FABP6: variants seen among roughly 807,000 people sequenced by gnomAD.
FABP6 encodes gastrotropin.
FABP6 carries 13 observed loss-of-function variants against 14.9 expected under a neutral mutation model. That is an observed-to-expected ratio of 0.87 (90% CI 0.57 to 1.39). The LOEUF (loss-of-function observed/expected upper bound fraction) is 1.39. Ranked by LOEUF, FABP6 falls within the 40% of genes most tolerant of loss-of-function variation. The pLI is 0.00. For synonymous variants in FABP6, 75 were observed against 63.6 expected, an observed-to-expected ratio of 1.18 and a Z score of -0.85; for missense variants, 161 against 167.2, an observed-to-expected ratio of 0.96 and a Z score of 0.20.
intron 2 of FABP6, among the ~76,000 whole-genome samples, chr5:160,203,433 G>A (rs1759689305): frequency 1.3e-5 from 2 of 152,212 alleles, no homozygotes; most frequent in African/African-American, 2.4e-5. Flanking sequence ...CTCAGAATGA[G>A]TGACTCCAGT....
At chr5:160,212,701 C>A (rs112853069) in intron 2 of FABP6, among the ~76,000 whole-genome samples, 10,728 of 152,148 alleles carry the variant, frequency 0.071, 621 homozygotes, top group East Asian at 0.36. Flanking sequence ...GATCTCCTGA[C>A]CTTGTGAGCC....
At chr5:160,213,846 G>C (rs370270770) in intron 3 of FABP6, 12 of 1,556,594 alleles carry the variant, frequency 7.7e-6, no homozygotes, top group East Asian at 4.5e-5. Context: ...GGGAGGGAAG[G>C]GTTCCTGACG....
chr5:160,228,925 C>A (rs1440641084), upstream of FABP6, among the ~76,000 whole-genome samples: 1 of 152,122 alleles, frequency 6.6e-6, no homozygotes, highest in South Asian at 2.1e-4. Flanking sequence ...CCTATTGGTC[C>A]TCCAAGACGG....
At chr5:160,228,691 A>G, upstream of FABP6, 1 of 376,298 alleles carries the variant, frequency 2.7e-6, no homozygotes, top group South Asian at 2.0e-5. Context: ...CTTCTCCTCC[A>G]GGTGCGCTGC....
chr5:160,208,887 C>A (rs1010488642), intron 2 of FABP6, among the ~76,000 whole-genome samples: 15 of 151,688 alleles, frequency 9.9e-5, no homozygotes, highest in Admixed American at 4.6e-4. Flanking sequence ...AGCAATTCTC[C>A]TGCCTCAGCC....
chr5:160,234,433 T>G (rs1368300227), intron 2 of FABP6, among the ~76,000 whole-genome samples: 3 of 149,322 alleles, frequency 2.0e-5, no homozygotes, highest in African/African-American at 7.4e-5. Context: ...ATTCATTTTT[T>G]TTTTTTTTTT....
At chr5:160,221,106 A>G (rs1229477634) in intron 3 of FABP6, among the ~76,000 whole-genome samples, 1 of 151,542 alleles carries the variant, frequency 6.6e-6, no homozygotes, top group East Asian at 1.9e-4. Context: ...AAAAAAAAAA[A>G]AAGACTTGAG....
At position 160,204,344 on chromosome 5, in the gene FABP6, A is replaced by G. The variant is rs561056014; in HGVS notation, c.51+5187A>G. On this transcript the variant is annotated intron_variant, in intron 2 of 6. Coordinates refer to the FABP6 transcript ENST00000393980. ...TAATAAAATAAAGATAAAAATAAAA[A>G]TAAATAATACGTTTTTTTAAAAAAG... is the stretch of plus-strand genomic sequence containing the variant. Among the ~76,000 whole-genome samples the G allele has an allele frequency of 3.5e-4, 52 of 147,990 alleles. 1 individual carries two copies. The highest frequency in any genetic ancestry group is 3.4e-3 in the Admixed American group (50 of 14,886).
chr5:160,218,760 CTTT>C (rs78224307), intron 3 of FABP6, among the ~76,000 whole-genome samples: 2 of 139,952 alleles, frequency 1.4e-5, no homozygotes, highest in African/African-American at 2.6e-5. Context: ...TGCGCCTGGC[CTTT>C]TTTTTTTTTT....
intron 3 of FABP6, among the ~76,000 whole-genome samples, chr5:160,222,461 G>T (rs1476369473): frequency 6.6e-6 from 1 of 152,002 alleles, no homozygotes; most frequent in Non-Finnish European, 1.5e-5. Context: ...AGCCTCCCAA[G>T]CAGCTGGGAC....
At chr5:160,224,077 A>T (rs867582647) in intron 3 of FABP6, among the ~76,000 whole-genome samples, 1 of 152,034 alleles carries the variant, frequency 6.6e-6, no homozygotes, top group South Asian at 2.1e-4. Context: ...TCTATTAAAA[A>T]TACAAAAAAT....
intron 3 of FABP6, among the ~76,000 whole-genome samples, chr5:160,216,388 C>T (rs752369427): frequency 2.0e-5 from 3 of 152,006 alleles, no homozygotes; most frequent in Non-Finnish European, 4.4e-5. Context: ...CTGCCTCAGC[C>T]TCCTGAGTAG....
At chr5:160,202,686 C>A (rs1331067695) in intron 2 of FABP6, among the ~76,000 whole-genome samples, 1 of 151,774 alleles carries the variant, frequency 6.6e-6, no homozygotes, top group Non-Finnish European at 1.5e-5. Context: ...CGCCTGTAGT[C>A]CCAGTGACTC....
intron 3 of FABP6, among the ~76,000 whole-genome samples, chr5:160,237,007 C>G (rs990262159): frequency 9.2e-5 from 14 of 151,994 alleles, no homozygotes; most frequent in Non-Finnish European, 1.3e-4. Context: ...AATCTAAAAA[C>G]TAATAGATGT....
chr5:160,215,706 A>G (rs1759996790), intron 3 of FABP6, among the ~76,000 whole-genome samples: 1 of 152,012 alleles, frequency 6.6e-6, no homozygotes, highest in Admixed American at 6.6e-5. Context: ...AAAGAAAAAA[A>G]GAAGTAAAGG....
In FABP6 at chr5:160,205,317, CAAAAAAAAA is replaced by C. The variant is rs1163175404; in HGVS notation, c.51+6174_51+6182del. ...TGGGTGACAGAGCAAGACTTCATCT[CAAAAAAAAA>C]AAAAAAAAAAAAAGCAACTGAAATA... On this transcript the variant is annotated intron_variant, in intron 2 of 6. Coordinates refer to the FABP6 transcript ENST00000393980. Among the ~76,000 whole-genome samples the C allele has an allele frequency of 1.0e-4, 7 of 67,080 alleles. No individual in the cohort carries two copies. In the East Asian group the frequency reaches 2.6e-3, roughly 25 times the overall value. The allele number at this position is 67,080 out of a possible 152,430, so 44.0% of individuals were successfully genotyped here.
chr5:160,235,974 G>C (rs1185074489), intron 3 of FABP6, among the ~76,000 whole-genome samples: 3 of 151,428 alleles, frequency 2.0e-5, no homozygotes, highest in Non-Finnish European at 4.4e-5. Context: ...CCCCCGTCCT[G>C]GTTTCTTCAC....
chr5:160,208,350 A>G (rs910386577), intron 2 of FABP6, among the ~76,000 whole-genome samples: 1 of 151,998 alleles, frequency 6.6e-6, no homozygotes, highest in African/African-American at 2.4e-5. Context: ...AGGTGGGAGG[A>G]TCGCTTGAGC....
intron 2 of FABP6, among the ~76,000 whole-genome samples, chr5:160,205,873 G>C (rs544862415): frequency 7.9e-5 from 12 of 152,278 alleles, no homozygotes; most frequent in African/African-American, 2.9e-4. Context: ...CACACAATCA[G>C]TCAACTTGAG....
Sources: allele counts gnomAD v4.1 joint callset (sites outside exome capture counted in the v4.1 genomes callset), GRCh38; gene constraint gnomAD v4.1.1; transcripts MANE v1.5; gene names NCBI Gene and HGNC (gene_info 2026-07-23, HGNC 2026-07-21).